NBEAL1: variants seen among roughly 807,000 people sequenced by gnomAD.
NBEAL1 encodes neurobeachin-like protein 1.
In NBEAL1, 273 loss-of-function variants were observed where a neutral mutation model predicts 351.3. The ratio of observed to expected loss-of-function variants is 0.78; its 90% CI spans 0.70 to 0.86. The LOEUF (loss-of-function observed/expected upper bound fraction) is 0.86. Among genes scored for constraint, NBEAL1 ranks in the 40% least tolerant of loss-of-function variants. The pLI, the probability that NBEAL1 is intolerant of heterozygous loss-of-function variation, is 0.00. For synonymous variants in NBEAL1, 1,050 were observed against 1,086.4 expected, an observed-to-expected ratio of 0.97 and a Z score of 0.66; for missense variants, 2,961 against 3,201.3, an observed-to-expected ratio of 0.92 and a Z score of 1.81.
intron 35 of NBEAL1, among the ~76,000 whole-genome samples, chr2:203,153,722 G>A (rs189841382): frequency 6.6e-6 from 1 of 152,032 alleles, no homozygotes; most frequent in East Asian, 1.9e-4. Context: ...TCTTTGAAAT[G>A]TAACTATCAT....
In NBEAL1 at chr2:203,199,328, T is replaced by A; in HGVS notation, c.7129-10T>A. 1 of 1,481,450 alleles carries A rather than the reference T, an allele frequency of 6.8e-7. No individual in the cohort carries two copies. Among genetic ancestry groups the A allele is most frequent in the Non-Finnish European group, 9.4e-7 (1 of 1,065,204 alleles). 91.8% of individuals were successfully genotyped at this position (1,481,450 alleles called of 1,614,324 possible). A position where few individuals can be genotyped will look rare whatever the true frequency, so the allele number is the denominator to read the frequency against. ...TCATTTAATTTGAGTCTTCATATGT[T>A]CTTTTCCAGATAACAATAAGCATGA... On this transcript the variant is annotated splice_polypyrimidine_tract_variant and intron_variant, in intron 48 of 55. Coordinates refer to ENST00000683969, the MANE Select transcript of NBEAL1 (RefSeq NM_001378026.1).
chr2:203,046,595 T>C (rs543884881), intron 3 of NBEAL1, among the ~76,000 whole-genome samples: 1 of 152,064 alleles, frequency 6.6e-6, no homozygotes, highest in Non-Finnish European at 1.5e-5. Context: ...GCAGATTTGG[T>C]GTCTGGTGAG....
Position 203,193,794 on chromosome 2 carries a change from G to A in NBEAL1, c.6922-1G>A, listed in dbSNP as rs2065162541. 4 of 1,600,702 alleles carry A rather than the reference G, an allele frequency of 2.5e-6. No individual in the cohort carries two copies. The highest frequency in any genetic ancestry group is 3.4e-6 in the Non-Finnish European group (4 of 1,173,064). On this transcript the variant is annotated splice_acceptor_variant, in intron 46 of 55. Transcript: ENST00000683969. LOFTEE classifies it high-confidence loss of function. ...TGTTTTTCCTTAAAATTATTTTGAA[G>A]GAACCACACCCTCCAAGATTATCAG...
chr2:203,058,026 T>TA (rs2061434265), intron 6 of NBEAL1, among the ~76,000 whole-genome samples: 1 of 151,928 alleles, frequency 6.6e-6, no homozygotes, highest in Admixed American at 6.6e-5. Flanking sequence ...ATATTTTTAG[T>TA]AGAGACGGGA....
intron 14 of NBEAL1, among the ~76,000 whole-genome samples, chr2:203,108,831 G>A (rs188049104): frequency 1.6e-4 from 25 of 152,054 alleles, no homozygotes; most frequent in Admixed American, 2.6e-4. Context: ...TGCATTGCCT[G>A]AGGCCAGGAG....
chr2:203,208,546 T>G, intron 51 of NBEAL1, 91 bp from the exon 52 acceptor site: 2 of 813,626 alleles, frequency 2.5e-6, no homozygotes, highest in East Asian at 5.2e-5. Context: ...AATGTTAGTT[T>G]GTGATTAGAA....
At chr2:203,131,320 A>C (rs930875734) in intron 25 of NBEAL1, among the ~76,000 whole-genome samples, 1 of 152,080 alleles carries the variant, frequency 6.6e-6, no homozygotes, top group Non-Finnish European at 1.5e-5. Context: ...TGTACATGTG[A>C]TTCTCCTGCT....
At chr2:203,043,798 T>C (rs974718973) in intron 3 of NBEAL1, among the ~76,000 whole-genome samples, 15 of 149,096 alleles carry the variant, frequency 1.0e-4, no homozygotes, top group African/African-American at 3.7e-4. Flanking sequence ...TGAGAAAGAG[T>C]ATCTGGAGAC....
chr2:203,097,349 A>G (rs1255405546), intron 10 of NBEAL1, among the ~76,000 whole-genome samples, 198 bp from the exon 11 acceptor site: 3 of 152,230 alleles, frequency 2.0e-5, no homozygotes, highest in African/African-American at 4.8e-5. Context: ...TTGAATTCCA[A>G]GAGAGAAATA....
At chr2:203,030,039 C>G (rs2060925609) in intron 2 of NBEAL1, among the ~76,000 whole-genome samples, 1 of 152,070 alleles carries the variant, frequency 6.6e-6, no homozygotes, top group Admixed American at 6.6e-5. Flanking sequence ...AAGGTAGCAT[C>G]GATCAAGGTT....
intron 39 of NBEAL1, among the ~76,000 whole-genome samples, chr2:203,170,108 C>T (rs962278773): frequency 1.3e-5 from 2 of 152,156 alleles, no homozygotes; most frequent in African/African-American, 2.4e-5. Context: ...CAGTGGCTCA[C>T]GCCTGTAATC....
At chr2:203,141,680 G>A (rs2063386678) in intron 31 of NBEAL1, among the ~76,000 whole-genome samples, 1 of 151,770 alleles carries the variant, frequency 6.6e-6, no homozygotes, top group African/African-American at 2.4e-5. Flanking sequence ...ACCACACCTG[G>A]CCCAGATGAG....
At chr2:203,026,044 A>C (rs2060850589) in intron 2 of NBEAL1, among the ~76,000 whole-genome samples, 1 of 152,092 alleles carries the variant, frequency 6.6e-6, no homozygotes, top group Non-Finnish European at 1.5e-5. Context: ...TTCTGCTTCT[A>C]GTTCTCTTTT....
At chr2:203,142,772 T>A (rs1332521395) in intron 31 of NBEAL1, among the ~76,000 whole-genome samples, 2 of 152,196 alleles carry the variant, frequency 1.3e-5, no homozygotes, top group Non-Finnish European at 2.9e-5. Flanking sequence ...GATGTAGGGA[T>A]TGTATGACTT....
intron 17 of NBEAL1, among the ~76,000 whole-genome samples, chr2:203,115,718 T>TG (rs2062679358): frequency 6.6e-6 from 1 of 152,144 alleles, no homozygotes; most frequent in African/African-American, 2.4e-5. Context: ...GCATGAGCTG[T>TG]GGGATTACAG....
rs535830560 is a variant in NBEAL1, at chr2:203,224,588, C to A, written c.*7234C>A. On this transcript the variant is annotated 3_prime_UTR_variant, in exon 56 of 56. Coordinates refer to ENST00000683969, the MANE Select transcript of NBEAL1 (RefSeq NM_001378026.1). ...GTATATGCACATAGTCAATTCAGAG[C>A]GTAATAACTAAAAATTCAGAATGAC... Among the ~76,000 whole-genome samples the A allele has an allele frequency of 1.3e-5, 2 of 152,048 alleles. No homozygotes were observed. The highest frequency in any genetic ancestry group is 2.9e-5 in the Non-Finnish European group (2 of 67,966).
chr2:203,050,330 T>A (rs1233362888), intron 4 of NBEAL1, among the ~76,000 whole-genome samples: 1 of 152,204 alleles, frequency 6.6e-6, no homozygotes, highest in African/African-American at 2.4e-5. Context: ...ATTAGTGATG[T>A]TTGTAGTTGA....
At chr2:203,133,812 G>A (rs902319663) in intron 27 of NBEAL1, among the ~76,000 whole-genome samples, 1 of 150,660 alleles carries the variant, frequency 6.6e-6, no homozygotes, top group Non-Finnish European at 1.5e-5. Context: ...TTGTTTAACT[G>A]ACAGAAAAGA....
intron 39 of NBEAL1, 40 bp from the exon 40 acceptor site, chr2:203,171,888 A>G (rs745551412): frequency 8.2e-6 from 10 of 1,219,624 alleles, no homozygotes; most frequent in Non-Finnish European, 9.3e-6. Context: ...AGAGATGTAG[A>G]TTTTTAAATT....
Sources: allele counts gnomAD v4.1 joint callset (sites outside exome capture counted in the v4.1 genomes callset), GRCh38; gene constraint gnomAD v4.1.1; transcripts MANE v1.5; gene names NCBI Gene and HGNC (gene_info 2026-07-23, HGNC 2026-07-21).